The following PPP3CA variants were observed in gnomAD, a reference collection of about 807,000 sequenced individuals.
PPP3CA encodes the protein CAM-PRP catalytic subunit.
PPP3CA carries 14 observed loss-of-function variants against 66.5 expected under a neutral mutation model. The observed-to-expected ratio is 0.21, with a 90% CI of 0.14 to 0.33. The LOEUF is 0.33. PPP3CA is among the 10% of genes least tolerant of loss of function. The pLI is 1.00. For synonymous variants in PPP3CA, 232 were observed against 226.2 expected (o/e 1.03, Z -0.23); for missense variants, 317 against 639.5 (o/e 0.50, Z 5.44).
chr4:101,334,384 C>G (rs1729560289), intron 1 of PPP3CA, among the ~76,000 whole-genome samples: 1 of 152,040 alleles, frequency 6.6e-6, no homozygotes, highest in South Asian at 2.1e-4. Context: ...ATCCACCCAC[C>G]CGGCCTCCCA....
At chr4:101,029,711 CAGGG>C (rs931130433) in intron 12 of PPP3CA, among the ~76,000 whole-genome samples, 3 of 151,140 alleles carry the variant, frequency 2.0e-5, no homozygotes, top group African/African-American at 7.3e-5. Context: ...GATGGAAAAA[CAGGG>C]AGATTCAAAT....
chr4:101,159,905 T>C (rs1010202852), intron 2 of PPP3CA, among the ~76,000 whole-genome samples: 3 of 152,144 alleles, frequency 2.0e-5, no homozygotes, highest in African/African-American at 7.2e-5. Flanking sequence ...AATGGGGCCA[T>C]TGCTGGAAGC....
intron 3 of PPP3CA, among the ~76,000 whole-genome samples, chr4:101,103,596 T>C (rs976220211): frequency 2.0e-5 from 3 of 152,230 alleles, no homozygotes; most frequent in African/African-American, 7.2e-5. Flanking sequence ...ATTGTCTGGT[T>C]TGCTGTGGTT....
At chr4:101,212,631 GAA>G in intron 1 of PPP3CA, among the ~76,000 whole-genome samples, 1 of 151,900 alleles carries the variant, frequency 6.6e-6, no homozygotes, top group South Asian at 2.1e-4. Flanking sequence ...GTTGAAGGGG[GAA>G]AAAAAGAACA....
At chr4:101,192,823 G>C (rs1273018054) in intron 2 of PPP3CA, among the ~76,000 whole-genome samples, 1 of 152,120 alleles carries the variant, frequency 6.6e-6, no homozygotes, top group Non-Finnish European at 1.5e-5. Flanking sequence ...TTATGTGTCT[G>C]ACTCCCTTAC....
intron 1 of PPP3CA, among the ~76,000 whole-genome samples, chr4:101,333,684 T>C (rs956977877): frequency 5.3e-5 from 8 of 152,168 alleles, no homozygotes; most frequent in Admixed American, 3.9e-4. Context: ...GCATCCATCT[T>C]TATTTTAAAA....
At chr4:101,121,318 GC>G (rs1292457056) in intron 2 of PPP3CA, among the ~76,000 whole-genome samples, 27 of 152,104 alleles carry the variant, frequency 1.8e-4, no homozygotes, top group Admixed American at 7.2e-4. Context: ...ACAATTTCTA[GC>G]TGCATTACCT....
chr4:101,060,088 T>A (rs1476608992), intron 10 of PPP3CA, among the ~76,000 whole-genome samples: 1 of 152,120 alleles, frequency 6.6e-6, no homozygotes, highest in Non-Finnish European at 1.5e-5. Flanking sequence ...GAGGGCTGAC[T>A]GTACTGCTTT....
intron 1 of PPP3CA, among the ~76,000 whole-genome samples, chr4:101,204,496 C>T (rs184823444): frequency 2.1e-3 from 323 of 151,654 alleles, no homozygotes; most frequent in Non-Finnish European, 3.8e-3. Context: ...ATTAGCAGGG[C>T]GTGGTGGCAG....
chr4:101,291,816 A>T (rs998164567), intron 1 of PPP3CA, among the ~76,000 whole-genome samples: 1 of 152,090 alleles, frequency 6.6e-6, no homozygotes, highest in African/African-American at 2.4e-5. Context: ...TAGGCTTGAC[A>T]GTGGTATCAA....
intron 9 of PPP3CA, among the ~76,000 whole-genome samples, chr4:101,062,059 A>C (rs954567166): frequency 6.6e-6 from 1 of 152,066 alleles, no homozygotes; most frequent in African/African-American, 2.4e-5. Flanking sequence ...GATTTTGTGT[A>C]CCAATAGATT....
At chr4:101,202,929 T>C (rs1725015285) in intron 1 of PPP3CA, among the ~76,000 whole-genome samples, 1 of 152,178 alleles carries the variant, frequency 6.6e-6, no homozygotes, top group South Asian at 2.1e-4. Context: ...ATGTATTCAG[T>C]TGTTAGATAC....
chr4:101,153,997 C>A (rs1723228176), intron 2 of PPP3CA, among the ~76,000 whole-genome samples: 1 of 151,708 alleles, frequency 6.6e-6, no homozygotes, highest in South Asian at 2.1e-4. Context: ...TTAAATAAAG[C>A]CCATGGCCAC....
intron 10 of PPP3CA, among the ~76,000 whole-genome samples, chr4:101,057,295 G>C (rs1578408862): frequency 6.6e-6 from 1 of 152,124 alleles, no homozygotes; most frequent in East Asian, 1.9e-4. Context: ...GACCTCAAGT[G>C]ATCTGCCGGC....
At chr4:101,160,027 A>C (rs950993626) in intron 2 of PPP3CA, among the ~76,000 whole-genome samples, 2 of 151,508 alleles carry the variant, frequency 1.3e-5, no homozygotes, top group Non-Finnish European at 1.5e-5. Flanking sequence ...ATGCATCATT[A>C]TAATAATCAA....
At chr4:101,113,376 A>G (rs1294292059) in intron 2 of PPP3CA, among the ~76,000 whole-genome samples, 15 of 152,146 alleles carry the variant, frequency 9.9e-5, no homozygotes, top group Admixed American at 9.8e-4. Flanking sequence ...CATTCTGTGT[A>G]CTAGTATGGT....
At chr4:101,178,136 T>C (rs1018707674) in intron 2 of PPP3CA, among the ~76,000 whole-genome samples, 7 of 152,110 alleles carry the variant, frequency 4.6e-5, no homozygotes, top group Non-Finnish European at 8.8e-5. Flanking sequence ...ATGAGGAGCA[T>C]GTTAGGTAAC....
chr4:101,055,091 C>T (rs1282707634), intron 10 of PPP3CA, among the ~76,000 whole-genome samples: 1 of 152,026 alleles, frequency 6.6e-6, no homozygotes, highest in Non-Finnish European at 1.5e-5. Context: ...AAAAAGTGAT[C>T]TCAGTGCCTA....
intron 1 of PPP3CA, among the ~76,000 whole-genome samples, chr4:101,298,207 C>CA (rs1728255563): frequency 6.6e-6 from 1 of 152,038 alleles, no homozygotes. Flanking sequence ...CTCAGATAGA[C>CA]TCAAGAGTCC....
Sources: allele counts gnomAD v4.1 joint callset (sites outside exome capture counted in the v4.1 genomes callset), GRCh38; gene constraint gnomAD v4.1.1; transcripts MANE v1.5; gene names NCBI Gene and HGNC (gene_info 2026-07-23, HGNC 2026-07-21).